FASLG: variants seen among roughly 807,000 people sequenced by gnomAD.
The protein encoded by FASLG is tumor necrosis factor ligand superfamily member 6.
A neutral mutation model predicts 24.6 loss-of-function variants in FASLG; 9 were observed. The observed-to-expected ratio is 0.37, with a 90% confidence interval of 0.22 to 0.64. The LOEUF is 0.64. Among genes scored for constraint, FASLG ranks in the 30% least tolerant of loss-of-function variants. The probability of loss-of-function intolerance (pLI) is 0.64; values close to 1 mark genes in which losing one functional copy is unlikely to be tolerated. For missense variants in FASLG, 306 were observed against 345.3 expected, an observed-to-expected ratio of 0.89 and a Z score of 0.90; for synonymous variants, 130 against 135.5, an observed-to-expected ratio of 0.96 and a Z score of 0.28.
rs191124407 is a variant in FASLG at position 172,666,515 on chromosome 1, T to G, written c.*499T>G. The G allele has an allele frequency of 1.8e-5, 3 of 162,464 alleles. No homozygotes were observed. Among genetic ancestry groups the G allele is most frequent in the Non-Finnish European group, 4.1e-5 (3 of 72,872 alleles). 10.1% of individuals were successfully genotyped at this position (162,464 alleles called of 1,614,324 possible). A position where few individuals can be genotyped will look rare whatever the true frequency, so the allele number is the denominator to read the frequency against. ...GGCAGCATCTTCACTTCTAAATGCA[T>G]ATCCTGAGCCATCGGTGAAACTAAC... On this transcript the variant is annotated 3_prime_UTR_variant, in exon 4 of 4. Coordinates refer to ENST00000367721, the MANE Select transcript of FASLG (RefSeq NM_000639.3).
chr1:172,665,505 G>A, intron 3 of FASLG, 117 bp from the exon 4 acceptor site: 1 of 1,181,672 alleles, frequency 8.5e-7, no homozygotes, highest in Non-Finnish European at 1.2e-6. Context: ...TTCTATACCA[G>A]CTGTCATTCT....
At chr1:172,660,399 C>T (rs1490836014) in intron 2 of FASLG, among the ~76,000 whole-genome samples, 2 of 152,198 alleles carry the variant, frequency 1.3e-5, no homozygotes, top group Non-Finnish European at 2.9e-5. Flanking sequence ...GAAAGAGACA[C>T]ACATATACAA....
chr1:172,665,184 G>A (rs1326412680), intron 3 of FASLG, among the ~76,000 whole-genome samples: 1 of 152,208 alleles, frequency 6.6e-6, no homozygotes, highest in African/African-American at 2.4e-5. Flanking sequence ...ACCCCAAATT[G>A]AGGGGCTGAA....
At position 172,666,786 on chromosome 1, in the gene FASLG, G is replaced by A. The variant is rs1348876234; in HGVS notation, c.*770G>A. On this transcript the variant is annotated 3_prime_UTR_variant, in exon 4 of 4. Transcript: ENST00000367721. ...TCATTGATTGTCAGCTACTAATGAT[G>A]TTTTCCTATAATATAATAAATATTT... is the stretch of plus-strand genomic sequence containing the variant. The A allele has an allele frequency of 6.6e-6, 1 of 152,456 alleles. No individual in the cohort carries two copies. Among genetic ancestry groups the A allele is most frequent in the Non-Finnish European group, 1.5e-5 (1 of 68,014 alleles). 9.4% of individuals were successfully genotyped at this position (152,456 alleles called of 1,614,324 possible). A position where few individuals can be genotyped will look rare whatever the true frequency, so the allele number is the denominator to read the frequency against.
chr1:172,664,524 C>G (rs1360876818), intron 3 of FASLG, 134 bp downstream of exon 3: 1 of 840,820 alleles, frequency 1.2e-6, no homozygotes, highest in East Asian at 2.6e-5. Flanking sequence ...ATAATACTAA[C>G]ACTTTTCTTG....
intron 1 of FASLG, 30 bp downstream of exon 1, chr1:172,659,579 G>A: frequency 6.2e-7 from 1 of 1,611,566 alleles, no homozygotes; most frequent in Non-Finnish European, 8.5e-7. Flanking sequence ...GCTGTGCCCT[G>A]GAGGCACCAG....
intron 1 of FASLG, 23 bp from the exon 2 acceptor site, chr1:172,660,072 C>A (rs1659104095): frequency 1.2e-6 from 2 of 1,611,494 alleles, no homozygotes; most frequent in African/African-American, 1.3e-5. Flanking sequence ...TATTATACAT[C>A]TTTTCTCTTT....
rs760897325 is a variant in FASLG at position 172,664,405 on chromosome 1, G to A, written c.451+15G>A. 2 of 1,613,858 alleles carry A rather than the reference G, an allele frequency of 1.2e-6. No homozygotes were observed. Among genetic ancestry groups the A allele is most frequent in the South Asian group, 1.1e-5 (1 of 91,056 alleles). On this transcript the variant is annotated intron_variant, in intron 3 of 3. Transcript: ENST00000367721. ...CCATTTAACAGGTCTGTATCTGGAA[G>A]GTACAGGTGAGATTTGGGAAAGCTT...
chr1:172,666,203 A>C lies in FASLG; in HGVS notation c.*187A>C. ...CTCACCTAATGTTTATGAGCCAGAC[A>C]AATGGAGGAATATGACGGAAGAACA... On this transcript the variant is annotated 3_prime_UTR_variant, in exon 4 of 4. Transcript: ENST00000367721. 1.5e-6 allele frequency: 1 copy of C among 646,262 alleles called. No homozygotes were observed. The highest frequency in any genetic ancestry group is 2.6e-6 in the Non-Finnish European group (1 of 377,984). The allele number at this position is 646,262 out of a possible 1,614,324, so 40.0% of individuals were successfully genotyped here.
At chr1:172,660,192 A>ATGG (rs762293880) in intron 2 of FASLG, 52 bp downstream of exon 2, 2 of 1,557,638 alleles carry the variant, frequency 1.3e-6, no homozygotes, top group Admixed American at 1.7e-5. Context: ...TCCTCAGCAC[A>ATGG]GAACTATGTT....
Position 172,665,777 on chromosome 1 carries a change from A to G in FASLG, c.607A>G (p.Asn203Asp). The G allele has an allele frequency of 6.2e-7, 1 of 1,614,152 alleles. No individual in the cohort carries two copies. Among genetic ancestry groups the G allele is most frequent in the African/African-American group, 1.3e-5 (1 of 75,020 alleles). ...AGTATACTTCCGGGGTCAATCTTGC[A>G]ACAACCTGCCCCTGAGCCACAAGGT... ...SKVYFRGQSC[N>D]NLPLSHKVYM... The change falls in exon 4 of 4, where the codon AAC becomes GAC. Residue 203 changes from asparagine (N) to aspartate (D), a missense_variant. Physicochemically the swap from Asn to Asp is conservative, Grantham distance 23 (BLOSUM62 1). Coordinates refer to ENST00000367721, the MANE Select transcript of FASLG (RefSeq NM_000639.3).
At chr1:172,663,164 T>C (rs868655801) in intron 2 of FASLG, among the ~76,000 whole-genome samples, 13 of 152,236 alleles carry the variant, frequency 8.5e-5, no homozygotes, top group Admixed American at 1.3e-4. Flanking sequence ...TCTGAAACAG[T>C]TGAAGTCAGA....
chr1:172,660,012 G>T, intron 1 of FASLG, 83 bp from the exon 2 acceptor site: 1 of 1,410,544 alleles, frequency 7.1e-7, no homozygotes, highest in Non-Finnish European at 9.9e-7. Context: ...TCTTTCCAGG[G>T]CTTGGTTTAT....
At chr1:172,664,247 T>C in intron 2 of FASLG, 87 bp from the exon 3 acceptor site, 1 of 1,428,546 alleles carries the variant, frequency 7.0e-7, no homozygotes, top group Non-Finnish European at 9.7e-7. Flanking sequence ...TAAAATCTTT[T>C]TTTTAAAATG....
At chr1:172,660,668 T>C (rs1659118288) in intron 2 of FASLG, among the ~76,000 whole-genome samples, 1 of 152,264 alleles carries the variant, frequency 6.6e-6, no homozygotes, top group South Asian at 2.1e-4. Flanking sequence ...GAATGGTTTT[T>C]CTTGAAGTCA....
chr1:172,665,608 T>C lies in FASLG; in HGVS notation c.452-14T>C, dbSNP rs1659241094. 1 of 1,610,622 alleles carries C rather than the reference T, an allele frequency of 6.2e-7. No homozygotes were observed. Among genetic ancestry groups the C allele is most frequent in the Non-Finnish European group, 8.5e-7 (1 of 1,179,990 alleles). Reference sequence around the variant, plus strand: ...ACTATTCCTTGTTGAAAGCTCCTTTTGGATTTATTTCAGGCAAGTCCAACT... The same window carrying C: ...ACTATTCCTTGTTGAAAGCTCCTTTCGGATTTATTTCAGGCAAGTCCAACT... On this transcript the variant is annotated splice_polypyrimidine_tract_variant and intron_variant, in intron 3 of 3. Coordinates refer to ENST00000367721, the MANE Select transcript of FASLG (RefSeq NM_000639.3).
intron 3 of FASLG, among the ~76,000 whole-genome samples, 158 bp downstream of exon 3, chr1:172,664,548 A>C (rs1266950806): frequency 6.6e-6 from 1 of 152,200 alleles, no homozygotes; most frequent in Non-Finnish European, 1.5e-5. Context: ...AGTCAGTCTT[A>C]TGAACACACT....
At chr1:172,662,859 C>T (rs997938772) in intron 2 of FASLG, among the ~76,000 whole-genome samples, 1 of 152,108 alleles carries the variant, frequency 6.6e-6, no homozygotes, top group Non-Finnish European at 1.5e-5. Context: ...CGTTTCCTGC[C>T]GGTGCGTGGC....
Position 172,659,280 on chromosome 1 carries a change from G to C in FASLG, c.79G>C (p.Gly27Arg). 1.2e-6 allele frequency: 2 copies of C among 1,614,096 alleles called. No individual in the cohort carries two copies. The highest frequency in any genetic ancestry group is 1.7e-6 in the Non-Finnish European group (2 of 1,179,986). ...SSASSPWAPP[G>R]TVLPCPTSVP... ...TGCCAGCTCTCCCTGGGCCCCTCCA[G>C]GCACAGTTCTTCCCTGTCCAACCTC... The change falls in exon 1 of 4, where the codon GGC (glycine) becomes CGC (arginine). Residue 27 changes from glycine (G) to arginine (R), a missense_variant. Transcript: ENST00000367721.
Sources: allele counts gnomAD v4.1 joint callset (sites outside exome capture counted in the v4.1 genomes callset), GRCh38; gene constraint gnomAD v4.1.1; transcripts MANE v1.5; gene names NCBI Gene and HGNC (gene_info 2026-07-23, HGNC 2026-07-21).